The following PCDHA10 variants were observed in gnomAD, a reference collection of about 807,000 sequenced individuals.
The protein encoded by PCDHA10 is protocadherin alpha-10.
In PCDHA10, 45 loss-of-function variants were observed where a neutral mutation model predicts 61.2. That is an observed-to-expected ratio of 0.74 (90% confidence interval 0.58 to 0.94). The LOEUF (loss-of-function observed/expected upper bound fraction) is 0.94, where lower values mean the gene tolerates loss of function less well. Among genes scored for constraint, PCDHA10 ranks in the 40% least tolerant of loss-of-function variants. PCDHA10 has a pLI of 0.00. For missense variants in PCDHA10, 1,278 were observed against 1,236.2 expected (o/e 1.03, Z -0.51); for synonymous variants, 602 against 548.8 (o/e 1.10, Z -1.35).
At chr5:140,968,626 T>C in intron 1 of PCDHA10, 1 of 1,614,156 alleles carries the variant, frequency 6.2e-7, no homozygotes. Context: ...ATGCTTGGCT[T>C]TTTTACCATC....
At position 140,886,685 on chromosome 5, in the gene PCDHA10, G is replaced by A. The variant is rs1250817978; in HGVS notation, c.2388+28249G>A. On this transcript the variant is annotated intron_variant, in intron 1 of 3. Transcript: ENST00000307360. The stretch of plus-strand genomic sequence containing the variant: ...TACTAAAAATACAAAAATTAGCGAG[G>A]CATGGTGGCACGCGCCTGTAATCCC... Among the ~76,000 whole-genome samples the A allele has an allele frequency of 2.6e-5, 4 of 152,080 alleles. No homozygotes were observed. In the East Asian group the frequency reaches 7.8e-4, roughly 30 times the overall value.
chr5:140,867,751 T>C (rs1280399942), intron 1 of PCDHA10: 2 of 152,116 alleles, frequency 1.3e-5, no homozygotes, highest in Non-Finnish European at 2.9e-5. Context: ...AGTTACAACT[T>C]CAGGCAAAGA....
At chr5:140,912,806 T>TA (rs1378576653) in intron 1 of PCDHA10, among the ~76,000 whole-genome samples, 2 of 152,232 alleles carry the variant, frequency 1.3e-5, no homozygotes, top group African/African-American at 4.8e-5. Context: ...TGAGGGTTTT[T>TA]ATCATAAAGG....
intron 1 of PCDHA10, among the ~76,000 whole-genome samples, chr5:140,945,046 A>G (rs2093731107): frequency 2.0e-5 from 3 of 152,190 alleles, no homozygotes; most frequent in Non-Finnish European, 2.9e-5. Flanking sequence ...TTGGTCTTAT[A>G]TAAAGAAAAC....
At chr5:140,882,172 T>C (rs1582596670) in intron 1 of PCDHA10, 2 of 1,514,998 alleles carry the variant, frequency 1.3e-6, no homozygotes, top group South Asian at 2.7e-5. Context: ...TGCGAATCCT[T>C]CCGCACTAGG....
At chr5:140,955,397 A>T (rs1470827673) in intron 1 of PCDHA10, among the ~76,000 whole-genome samples, 19 of 152,128 alleles carry the variant, frequency 1.2e-4, no homozygotes, top group Admixed American at 1.1e-3. Context: ...CAATTATCCC[A>T]TACAGTTCTC....
intron 1 of PCDHA10, among the ~76,000 whole-genome samples, chr5:140,891,939 C>G (rs1475126639): frequency 3.3e-5 from 5 of 152,212 alleles, no homozygotes; most frequent in African/African-American, 1.2e-4. Flanking sequence ...TGGACTTCCC[C>G]TAGGCTCCAG....
At chr5:140,873,642 G>T (rs1217578025) in intron 1 of PCDHA10, among the ~76,000 whole-genome samples, 1 of 152,154 alleles carries the variant, frequency 6.6e-6, no homozygotes, top group Non-Finnish European at 1.5e-5. Flanking sequence ...GAGTATGTGA[G>T]AACTACATAA....
At chr5:140,917,326 G>GA (rs1425389614) in intron 1 of PCDHA10, among the ~76,000 whole-genome samples, 3 of 149,490 alleles carry the variant, frequency 2.0e-5, no homozygotes, top group Non-Finnish European at 4.5e-5. Flanking sequence ...TCATGTGGCG[G>GA]GGGAGGGGGG....
chr5:140,906,878 C>T (rs557095374), intron 1 of PCDHA10, among the ~76,000 whole-genome samples: 1 of 152,332 alleles, frequency 6.6e-6, no homozygotes, highest in East Asian at 1.9e-4. Context: ...AACACTGTAA[C>T]TTCCTTCTTA....
At chr5:140,900,295 TTTA>T (rs1335445889) in intron 1 of PCDHA10, among the ~76,000 whole-genome samples, 3 of 152,152 alleles carry the variant, frequency 2.0e-5, no homozygotes, top group Non-Finnish European at 4.4e-5. Context: ...TTTCTGTTTT[TTTA>T]GACAGTCTCA....
rs148598290 is a variant in PCDHA10, at chr5:140,857,464, C to G, written c.1416C>G (p.His472Gln). 181 of 1,598,526 alleles carry G rather than the reference C, an allele frequency of 1.1e-4. 14 individuals carry two copies. Among genetic ancestry groups the G allele is most frequent in the Non-Finnish European group, 1.1e-4 (129 of 1,167,932 alleles). Residue 472 changes from histidine (H) to glutamine (Q), a missense_variant, in exon 1 of 4, where the codon CAC (histidine) becomes CAG (glutamine). Transcript: ENST00000307360. ...AGGAGAACAACCCGCCAGGCTGCCA[C>G]ATCTTCACGGTGTCTGCGTGGGACG... The part of the protein sequence containing the change: ...FVKENNPPGC[H>Q]IFTVSAWDAD...
intron 1 of PCDHA10, among the ~76,000 whole-genome samples, chr5:140,886,642 A>T (rs1412113366): frequency 6.6e-6 from 1 of 152,048 alleles, no homozygotes; most frequent in African/African-American, 2.4e-5. Flanking sequence ...CCTGGCCAAC[A>T]TGGTGAAACC....
At chr5:140,883,384 CAG>C (rs1554177987) in intron 1 of PCDHA10, 2 of 1,614,072 alleles carry the variant, frequency 1.2e-6, no homozygotes, top group African/African-American at 2.7e-5. Context: ...TTGCCCTAAT[CAG>C]TGTGTCCGAT....
At position 140,869,859 on chromosome 5, in the gene PCDHA10, G is replaced by A. The variant is rs1368092611; in HGVS notation, c.2388+11423G>A. 4 of 1,610,412 alleles carry A rather than the reference G, an allele frequency of 2.5e-6. No homozygotes were observed. In the East Asian group the frequency reaches 8.9e-5, roughly 36 times the overall value. The stretch of plus-strand genomic sequence containing the variant: ...AATCAGAATATAAGGTGAGCCTTAT[G>A]GAAAATGCTGCTAAAGAAACTCTTG... On this transcript the variant is annotated intron_variant, in intron 1 of 3. Coordinates refer to ENST00000307360, the MANE Select transcript of PCDHA10 (RefSeq NM_018901.4).
At chr5:141,007,573 T>G (rs2153992759) in intron 3 of PCDHA10, among the ~76,000 whole-genome samples, 1 of 151,796 alleles carries the variant, frequency 6.6e-6, no homozygotes, top group African/African-American at 2.4e-5. Context: ...ATCTCAAATT[T>G]AAAAAATAAT....
Position 140,858,082 on chromosome 5 carries a change from G to T in PCDHA10, c.2034G>T (p.Ser678=), listed in dbSNP as rs1554151130. 2 of 1,597,718 alleles carry T rather than the reference G, an allele frequency of 1.3e-6. No homozygotes were observed. The highest frequency in any genetic ancestry group is 2.2e-5 in the East Asian group (1 of 44,834). Reference sequence around the variant, plus strand: ...AGGGCAGCCAGGCACCCAAGGCCTCGTCGCGGGCTTCAGTGGGCGTGGCGC... The same window carrying T: ...AGGGCAGCCAGGCACCCAAGGCCTCTTCGCGGGCTTCAGTGGGCGTGGCGC... ...LVEGSQAPKA[S]SRASVGVAPE... is the part of the protein sequence containing the mutation. Residue 678 remains serine (S), a synonymous_variant, in exon 1 of 4, where the codon TCG becomes TCT. Coordinates refer to ENST00000307360, the MANE Select transcript of PCDHA10 (RefSeq NM_018901.4).
At chr5:140,862,828 G>A in intron 1 of PCDHA10, 1 of 572,818 alleles carries the variant, frequency 1.7e-6, no homozygotes, top group Non-Finnish European at 3.3e-6. Context: ...GAGAGCGCGC[G>A]ACGCGGGCAT....
intron 1 of PCDHA10, among the ~76,000 whole-genome samples, chr5:140,904,512 C>T (rs1251570223): frequency 5.9e-5 from 9 of 151,738 alleles, no homozygotes; most frequent in Admixed American, 3.3e-4. Flanking sequence ...GTGAATTGTG[C>T]TGCTATAAAC....
Sources: allele counts gnomAD v4.1 joint callset (sites outside exome capture counted in the v4.1 genomes callset), GRCh38; gene constraint gnomAD v4.1.1; transcripts MANE v1.5; gene names NCBI Gene and HGNC (gene_info 2026-07-23, HGNC 2026-07-21).